Variants in TENM1 observed in about 807,000 individuals in gnomAD.
The protein encoded by TENM1 is teneurin transmembrane protein 1.
In TENM1, 35 loss-of-function variants were observed where a neutral mutation model predicts 174.8. The ratio of observed to expected loss-of-function variants is 0.20; its 90% CI spans 0.15 to 0.27. TENM1 has a LOEUF of 0.27. TENM1 is among the 10% of genes least tolerant of loss of function. The pLI is 1.00. For missense variants in TENM1, 1,633 were observed against 2,130.1 expected, an observed-to-expected ratio of 0.77 and a Z score of 4.59; for synonymous variants, 781 against 798.7, an observed-to-expected ratio of 0.98 and a Z score of 0.37.
chrX:124,577,045 C>G (rs1338994332), intron 11 of TENM1, among the ~76,000 whole-genome samples: 2 of 112,151 alleles, frequency 1.8e-5, no homozygotes, highest in East Asian at 5.6e-4. Context: ...GAACACTTCA[C>G]GAAGACTAAA....
chrX:124,382,075 G>A (rs1031817345), intron 31 of TENM1, among the ~76,000 whole-genome samples: 1 of 110,988 alleles, frequency 9.0e-6, no homozygotes, highest in Non-Finnish European at 1.9e-5. Context: ...CGCAAACACA[G>A]ATATTCATAT....
chrX:124,382,632 T>C, intron 31 of TENM1, 38 bp downstream of exon 34: 1 of 1,185,737 alleles, frequency 8.4e-7, no homozygotes, highest in Non-Finnish European at 1.1e-6. Flanking sequence ...GCCCTTCTGT[T>C]GTTTCAGCTA....
chrX:125,033,659 C>T, the TENM1 span, among the ~76,000 whole-genome samples: 1 of 110,255 alleles, frequency 9.1e-6, no homozygotes, highest in Non-Finnish European at 1.9e-5. Flanking sequence ...AACATTTTAC[C>T]GTTTTGATAT....
chrX:124,466,091 G>A lies in TENM1; in HGVS notation c.3950-12600C>T, dbSNP rs187468056. ...CATCAGTAAAATAAATATATTTAAA[G>A]TATTAATTAATATAATGGCATCTCT... is the stretch of plus-strand genomic sequence containing the variant. On this transcript the variant is annotated intron_variant, in intron 22 of 31. Transcript: ENST00000422452. 4.4e-3 allele frequency among the ~76,000 whole-genome samples: 489 copies of A among 111,466 alleles called. 4 individuals carry two copies. Among genetic ancestry groups the A allele is most frequent in the African/African-American group, 0.015 (461 of 30,664 alleles).
chrX:124,982,270 G>GAAAAAAAAAAAAA, the TENM1 span, among the ~76,000 whole-genome samples: 10 of 10,522 alleles, frequency 9.5e-4, no homozygotes, highest in Non-Finnish European at 1.4e-3. Flanking sequence ...AAGAAAATGT[G>GAAAAAAAAAAAAA]AAAAAAAAAA....
chrX:124,419,476 C>T (rs1306575189), intron 25 of TENM1, among the ~76,000 whole-genome samples: 3 of 111,590 alleles, frequency 2.7e-5, no homozygotes, highest in African/African-American at 3.3e-5. Context: ...AAATGCTTCC[C>T]GAGTGCCAAA....
At chrX:124,758,841 C>A (rs2054334213) in intron 3 of TENM1, among the ~76,000 whole-genome samples, 1 of 111,476 alleles carries the variant, frequency 9.0e-6, no homozygotes, top group African/African-American at 3.3e-5. Context: ...TAGTCAAACT[C>A]TTAGAAAGTA....
At chrX:124,657,780 T>A (rs1169843731) in intron 6 of TENM1, among the ~76,000 whole-genome samples, 1 of 112,136 alleles carries the variant, frequency 8.9e-6, no homozygotes, top group Non-Finnish European at 1.9e-5. Flanking sequence ...AAGGCTATGG[T>A]ATAGCCCATA....
chrX:124,840,199 TCATTGGAACTTATAA>T (rs2056469842), intron 3 of TENM1, among the ~76,000 whole-genome samples: 1 of 111,656 alleles, frequency 9.0e-6, no homozygotes, highest in African/African-American at 3.3e-5. Context: ...AATAATGATG[TCATTGGAACTTATAA>T]CATGAGATTC....
chrX:124,470,353 G>A (rs1315147071), intron 22 of TENM1, among the ~76,000 whole-genome samples: 2 of 110,889 alleles, frequency 1.8e-5, no homozygotes, highest in African/African-American at 6.6e-5. Context: ...AAAGAAGCAG[G>A]GTGAGGAGTA....
chrX:124,572,536 G>T (rs768616649), intron 11 of TENM1, among the ~76,000 whole-genome samples: 49 of 110,953 alleles, frequency 4.4e-4, no homozygotes, highest in African/African-American at 1.2e-3. Context: ...AGAAGTACTA[G>T]AATTAACTAC....
the TENM1 span, among the ~76,000 whole-genome samples, chrX:125,085,726 G>T: frequency 9.0e-6 from 1 of 110,604 alleles, no homozygotes; most frequent in Admixed American, 9.7e-5. Context: ...TGATTTATAA[G>T]AGATATTTAT....
intron 23 of TENM1, among the ~76,000 whole-genome samples, chrX:124,433,433 A>G (rs1413125387): frequency 1.8e-5 from 2 of 112,010 alleles, no homozygotes; most frequent in East Asian, 2.8e-4. Context: ...CTAGGGCTCC[A>G]TCTTTGGGTA....
intron 6 of TENM1, among the ~76,000 whole-genome samples, chrX:124,659,721 C>A (rs1008771998): frequency 6.3e-5 from 7 of 111,251 alleles, no homozygotes; most frequent in African/African-American, 2.0e-4. Context: ...CTTCCTGATT[C>A]AAAACTGATT....
At chrX:124,661,445 T>C (rs1040424731) in intron 6 of TENM1, among the ~76,000 whole-genome samples, 7 of 112,220 alleles carry the variant, frequency 6.2e-5, no homozygotes, top group African/African-American at 1.9e-4. Context: ...GGTTTTAGAA[T>C]GTTACCTGCT....
chrX:125,164,138 G>C, the TENM1 span, among the ~76,000 whole-genome samples: 2 of 111,568 alleles, frequency 1.8e-5, no homozygotes, highest in African/African-American at 6.5e-5. Flanking sequence ...TTTCAAGTCA[G>C]CTAATTTCAA....
chrX:124,672,509 G>A (rs1355487697), intron 5 of TENM1, among the ~76,000 whole-genome samples: 1 of 111,279 alleles, frequency 9.0e-6, no homozygotes, highest in Admixed American at 9.6e-5. Flanking sequence ...AAAATACAGT[G>A]ACCTTTTTTG....
the TENM1 span, among the ~76,000 whole-genome samples, chrX:125,171,269 G>GA: frequency 3.3e-4 from 35 of 105,012 alleles, no homozygotes; most frequent in African/African-American, 6.9e-4. Flanking sequence ...TAAAGGTCCA[G>GA]AAAAAAAAAA....
intron 23 of TENM1, among the ~76,000 whole-genome samples, chrX:124,444,712 C>T (rs1434617970): frequency 9.0e-6 from 1 of 110,834 alleles, no homozygotes; most frequent in Non-Finnish European, 1.9e-5. Context: ...TGACAGTTCC[C>T]ATTCTACCTC....
Sources: gnomAD v4.1 joint callset for allele counts (sites outside exome capture counted in the v4.1 genomes callset) on GRCh38, gnomAD v4.1.1 for gene constraint, MANE v1.5 for transcripts, NCBI Gene and HGNC (gene_info 2026-07-23, HGNC 2026-07-21) for gene names.